Variants in KCNN2 observed in about 807,000 individuals in gnomAD.
The protein encoded by KCNN2 is potassium calcium-activated channel subfamily N member 2, also known as small conductance calcium-activated potassium channel protein 2.
A neutral mutation model predicts 55.5 loss-of-function variants in KCNN2; 24 were observed. That is an observed-to-expected ratio of 0.43 (90% CI 0.31 to 0.61). The LOEUF (loss-of-function observed/expected upper bound fraction) is 0.61. KCNN2 is among the 20% of genes least tolerant of loss of function. The pLI, the probability that KCNN2 is intolerant of heterozygous loss-of-function variation, is 0.08. For synonymous variants in KCNN2, 431 were observed against 336.1 expected, an observed-to-expected ratio of 1.28 and a Z score of -3.09; for missense variants, 754 against 853.6, an observed-to-expected ratio of 0.88 and a Z score of 1.45.
intron 1 of KCNN2, among the ~76,000 whole-genome samples, chr5:114,202,937 G>A (rs1310182664): frequency 6.6e-6 from 1 of 152,064 alleles, no homozygotes; most frequent in Non-Finnish European, 1.5e-5. Context: ...TATCAAATAA[G>A]AAAGAGACAT....
chr5:114,454,868 C>T (rs779963852), intron 3 of KCNN2, among the ~76,000 whole-genome samples: 38 of 152,200 alleles, frequency 2.5e-4, no homozygotes, highest in Non-Finnish European at 3.1e-4. Context: ...GACACTTCCA[C>T]GGGTTCTATG....
rs115052851 is a variant in KCNN2 at position 114,098,876 on chromosome 5, G to A, written c.-271+42376G>A. ...TAGTTTCCACAGGGGTGAATCTAGGGCTTTGGCTCCAGTCTAGAATCTGAC... is the reference window on the plus strand; with the variant it reads ...TAGTTTCCACAGGGGTGAATCTAGGACTTTGGCTCCAGTCTAGAATCTGAC... On this transcript the variant is annotated intron_variant, in intron 1 of 10. Transcript: ENST00000512097. 3.4e-3 allele frequency among the ~76,000 whole-genome samples: 518 copies of A among 152,166 alleles called. 5 individuals carry two copies. The highest frequency in any genetic ancestry group is 0.012 in the African/African-American group (488 of 41,520).
intron 2 of KCNN2, among the ~76,000 whole-genome samples, chr5:114,237,463 G>A (rs1754526172): frequency 6.6e-6 from 1 of 152,160 alleles, no homozygotes; most frequent in Non-Finnish European, 1.5e-5. Context: ...TGGCTTTGCT[G>A]TGTGTACCTA....
At chr5:114,113,088 AGG>A (rs1389576002) in intron 1 of KCNN2, among the ~76,000 whole-genome samples, 5 of 152,058 alleles carry the variant, frequency 3.3e-5, no homozygotes, top group African/African-American at 1.2e-4. Context: ...GGCTCCTTAA[AGG>A]GTTTTTTAAA....
At chr5:114,479,222 A>C (rs1762109937) in intron 5 of KCNN2, among the ~76,000 whole-genome samples, 1 of 91,276 alleles carries the variant, frequency 1.1e-5, no homozygotes, top group African/African-American at 3.6e-5. Context: ...CCAAATGAAA[A>C]CTATAAAAAA....
intron 1 of KCNN2, among the ~76,000 whole-genome samples, chr5:114,209,191 A>C (rs1753830280): frequency 7.0e-6 from 1 of 143,182 alleles, no homozygotes; most frequent in Admixed American, 6.7e-5. Flanking sequence ...TGAATAGCTG[A>C]CTGCAGGCAT....
intron 2 of KCNN2, among the ~76,000 whole-genome samples, chr5:114,262,320 G>C (rs1205177018): frequency 6.6e-6 from 1 of 152,148 alleles, no homozygotes. Flanking sequence ...CTCAGACTCT[G>C]AAAAGAAAGA....
chr5:114,482,480 G>T (rs909692648), intron 5 of KCNN2, among the ~76,000 whole-genome samples: 1 of 152,096 alleles, frequency 6.6e-6, no homozygotes, highest in African/African-American at 2.4e-5. Context: ...GACAATTAAG[G>T]ACCTAGATGC....
chr5:114,143,824 C>T (rs1752340477), intron 1 of KCNN2, among the ~76,000 whole-genome samples: 1 of 152,176 alleles, frequency 6.6e-6, no homozygotes, highest in African/African-American at 2.4e-5. Flanking sequence ...AGGGGGTCTC[C>T]CTACATCTCC....
chr5:114,083,307 C>T (rs1389837743), intron 1 of KCNN2, among the ~76,000 whole-genome samples: 1 of 151,158 alleles, frequency 6.6e-6, no homozygotes, highest in African/African-American at 2.4e-5. Flanking sequence ...TTTCATTTGC[C>T]CTTCTAGCTT....
At chr5:114,453,344 A>C (rs959672934) in intron 3 of KCNN2, among the ~76,000 whole-genome samples, 1 of 152,202 alleles carries the variant, frequency 6.6e-6, no homozygotes, top group African/African-American at 2.4e-5. Context: ...CCCAACACAC[A>C]TACACACTAC....
At chr5:114,280,255 G>A (rs916856872) in intron 2 of KCNN2, among the ~76,000 whole-genome samples, 1 of 152,150 alleles carries the variant, frequency 6.6e-6, no homozygotes, top group African/African-American at 2.4e-5. Context: ...TAGGTTGCCT[G>A]TTCACTCTGA....
intron 3 of KCNN2, among the ~76,000 whole-genome samples, chr5:114,443,214 G>A (rs775389651): frequency 6.6e-6 from 1 of 151,604 alleles, no homozygotes; most frequent in Non-Finnish European, 1.5e-5. Context: ...TTGCTTGAAC[G>A]CAGGAGGGGG....
At chr5:114,104,638 A>G (rs547618094) in intron 1 of KCNN2, among the ~76,000 whole-genome samples, 110 of 152,212 alleles carry the variant, frequency 7.2e-4, no homozygotes, top group African/African-American at 2.6e-3. Context: ...TTCTCATTAT[A>G]GAAAAGAAAA....
At chr5:114,070,198 G>A (rs1750539813) in intron 1 of KCNN2, among the ~76,000 whole-genome samples, 1 of 152,150 alleles carries the variant, frequency 6.6e-6, no homozygotes, top group South Asian at 2.1e-4. Context: ...CTGGACTAAA[G>A]TAATTGTCTC....
chr5:114,488,046 A>AT (rs1373214879), intron 6 of KCNN2, among the ~76,000 whole-genome samples: 2 of 152,182 alleles, frequency 1.3e-5, no homozygotes, highest in African/African-American at 4.8e-5. Context: ...AGAGGCTGCA[A>AT]TTTTTATTTT....
chr5:114,425,507 A>G (rs1428224752), intron 3 of KCNN2, among the ~76,000 whole-genome samples: 1 of 152,104 alleles, frequency 6.6e-6, no homozygotes, highest in East Asian at 1.9e-4. Context: ...CACATCCTCA[A>G]TAACCTTGCA....
intron 6 of KCNN2, chr5:114,490,697 G>A: frequency 2.5e-6 from 1 of 398,060 alleles, no homozygotes; most frequent in Non-Finnish European, 4.4e-6. Context: ...ATAGAGCTCG[G>A]AAGTAAGTTG....
At chr5:114,369,974 A>G (rs1193317533) in intron 2 of KCNN2, among the ~76,000 whole-genome samples, 1 of 152,058 alleles carries the variant, frequency 6.6e-6, no homozygotes, top group Non-Finnish European at 1.5e-5. Context: ...AACTTCAGAG[A>G]AGTTATATTC....
Sources: allele counts gnomAD v4.1 joint callset (sites outside exome capture counted in the v4.1 genomes callset), GRCh38; gene constraint gnomAD v4.1.1; transcripts MANE v1.5; gene names NCBI Gene and HGNC (gene_info 2026-07-23, HGNC 2026-07-21).